GRHL1: variants seen among roughly 807,000 people sequenced by gnomAD.
The protein encoded by GRHL1 is grainyhead-like protein 1 homolog.
In GRHL1, 38 loss-of-function variants were observed where a neutral mutation model predicts 75.7. The observed-to-expected ratio is 0.50, with a 90% CI of 0.39 to 0.66. The LOEUF is 0.66. Ranked by LOEUF, GRHL1 falls within the 30% of genes least tolerant of loss-of-function variation. GRHL1 has a pLI of 0.00. For synonymous variants in GRHL1, 266 were observed against 279.4 expected (o/e 0.95, Z 0.48); for missense variants, 589 against 767.5 (o/e 0.77, Z 2.75).
At chr2:9,967,856 T>C (rs962113278) in intron 8 of GRHL1, among the ~76,000 whole-genome samples, 1 of 152,222 alleles carries the variant, frequency 6.6e-6, no homozygotes, top group Non-Finnish European at 1.5e-5. Context: ...TGTTCTCATT[T>C]AGGATGCATT....
intron 2 of GRHL1, among the ~76,000 whole-genome samples, chr2:9,957,486 T>C (rs1398688612): frequency 1.3e-5 from 2 of 152,084 alleles, no homozygotes; most frequent in African/African-American, 4.8e-5. Flanking sequence ...CTCAACTTAC[T>C]GCAGCCTCTG....
At chr2:9,997,446 C>A (rs940880188) in intron 14 of GRHL1, among the ~76,000 whole-genome samples, 3 of 152,122 alleles carry the variant, frequency 2.0e-5, no homozygotes, top group Non-Finnish European at 4.4e-5. Flanking sequence ...AGCGCCGTTC[C>A]CACTGTCACT....
intron 12 of GRHL1, among the ~76,000 whole-genome samples, chr2:9,994,897 C>T (rs1248121019): frequency 6.6e-6 from 1 of 152,174 alleles, no homozygotes; most frequent in Non-Finnish European, 1.5e-5. Flanking sequence ...CATGATACCA[C>T]CATATTTTAA....
chr2:9,965,319 A>C lies in GRHL1; in HGVS notation c.1048A>C (p.Asn350His). The C allele has an allele frequency of 6.2e-7, 1 of 1,611,142 alleles. No homozygotes were observed. The highest frequency in any genetic ancestry group is 1.1e-5 in the South Asian group (1 of 91,018). Residue 350 changes from asparagine to histidine, a missense_variant, in exon 8 of 16, where the codon AAC (asparagine) becomes CAC (histidine). Asn to His is a moderately conservative substitution (Grantham distance 68). Coordinates refer to ENST00000324907, the MANE Select transcript of GRHL1 (RefSeq NM_198182.3). ...DYKESFNTISNIEEIAYNAIS... is the reference protein window; with the variant it reads ...DYKESFNTISHIEEIAYNAIS... ...TAAAGAAAGCTTCAACACTATCAGT[A>C]ACATCGAGGAGATTGCGTATAACGC...
Position 9,979,410 on chromosome 2 carries a change from A to G in GRHL1, c.1111-6714A>G, listed in dbSNP as rs535520486. On this transcript the variant is annotated intron_variant, in intron 8 of 15. Coordinates refer to ENST00000324907, the MANE Select transcript of GRHL1 (RefSeq NM_198182.3). ...CCACCATGCCCAGCTAATTTATTTTATTTTCTGTTTTAGAGACAGGGTCTC... is the reference window on the plus strand; with the variant it reads ...CCACCATGCCCAGCTAATTTATTTTGTTTTCTGTTTTAGAGACAGGGTCTC... Among the ~76,000 whole-genome samples the G allele has an allele frequency of 2.6e-5, 4 of 151,208 alleles. No individual in the cohort carries two copies. In the East Asian group the frequency reaches 7.8e-4, roughly 29 times the overall value.
intron 1 of GRHL1, among the ~76,000 whole-genome samples, chr2:9,953,563 C>T (rs1330298087): frequency 6.6e-6 from 1 of 152,208 alleles, no homozygotes; most frequent in African/African-American, 2.4e-5. Flanking sequence ...CCAAATGTAA[C>T]GTTTATGCCA....
chr2:9,962,409 A>T (rs765796352), intron 4 of GRHL1, 46 bp from the exon 5 acceptor site: 1 of 1,072,630 alleles, frequency 9.3e-7, no homozygotes, highest in African/African-American at 1.6e-5. Context: ...TTTAGTAAGC[A>T]TGATAACCAG....
Position 9,986,366 on chromosome 2 carries a change from A to G in GRHL1, c.1269+84A>G, listed in dbSNP as rs573415348. ...AGGGTCTCTTTAATATTTAATGTCA[A>G]AATGAGAATATAGCTGCTAATATAG... On this transcript the variant is annotated intron_variant, in intron 9 of 15. Transcript: ENST00000324907. 1.7e-4 allele frequency: 135 copies of G among 794,616 alleles called. No homozygotes were observed. The highest frequency in any genetic ancestry group is 1.2e-3 in the Middle Eastern group (3 of 2,544). The allele number at this position is 794,616 out of a possible 1,614,324, so 49.2% of individuals were successfully genotyped here.
chr2:9,977,829 G>A (rs1668013055), intron 8 of GRHL1, among the ~76,000 whole-genome samples: 1 of 152,124 alleles, frequency 6.6e-6, no homozygotes, highest in Admixed American at 6.6e-5. Flanking sequence ...CTCATAGTCT[G>A]GTGTATTAGT....
At position 9,992,727 on chromosome 2, in the gene GRHL1, T is replaced by C. The variant is rs1471293083; in HGVS notation, c.1462-480T>C. Among the ~76,000 whole-genome samples, 1 of 152,178 alleles carries C rather than the reference T, an allele frequency of 6.6e-6. No individual in the cohort carries two copies. The highest frequency in any genetic ancestry group is 1.5e-5 in the Non-Finnish European group (1 of 68,026). ...GTGCAAATAAATATCAAAAAGACAGTCTTTCATGCACTTTGTGGACAGATT... is the reference window on the plus strand; with the variant it reads ...GTGCAAATAAATATCAAAAAGACAGCCTTTCATGCACTTTGTGGACAGATT... On this transcript the variant is annotated intron_variant, in intron 11 of 15. Coordinates refer to ENST00000324907, the MANE Select transcript of GRHL1 (RefSeq NM_198182.3). The surrounding 1 kb of genome is among the most constrained non-coding windows in gnomAD (Gnocchi z 4.6).
Position 9,979,151 on chromosome 2 carries a change from C to CAAAAAAAA in GRHL1, c.1111-6964_1111-6957dup, listed in dbSNP as rs1227015836. Among the ~76,000 whole-genome samples the CAAAAAAAA allele has an allele frequency of 4.3e-4, 26 of 60,350 alleles. 4 individuals are homozygous for CAAAAAAAA. The highest frequency in any genetic ancestry group is 1.7e-3 in the South Asian group (3 of 1,804). 39.6% of individuals were successfully genotyped at this position (60,350 alleles called of 152,430 possible). A position where few individuals can be genotyped will look rare whatever the true frequency, so the allele number is the denominator to read the frequency against. On this transcript the variant is annotated intron_variant, in intron 8 of 15. Transcript: ENST00000324907. The stretch of plus-strand genomic sequence containing the variant: ...TTCCAGCCTGGGCAAGACTCTCTCT[C>CAAAAAAAA]AAAAAAAAAAAAAAAAGGAAACCTT...
At chr2:9,971,732 C>T (rs558445961) in intron 8 of GRHL1, among the ~76,000 whole-genome samples, 25 of 152,232 alleles carry the variant, frequency 1.6e-4, no homozygotes, top group African/African-American at 5.8e-4. Flanking sequence ...GTAGCTTGAC[C>T]GGTATTGGAA....
Position 9,990,752 on chromosome 2 carries a change from G to A in GRHL1, c.1321+5G>A. 6.2e-7 allele frequency: 1 copy of A among 1,611,186 alleles called. No individual in the cohort carries two copies. Among genetic ancestry groups the A allele is most frequent in the Non-Finnish European group, 8.5e-7 (1 of 1,177,686 alleles). On this transcript the variant is annotated splice_donor_5th_base_variant and intron_variant, in intron 10 of 15. Coordinates refer to ENST00000324907, the MANE Select transcript of GRHL1 (RefSeq NM_198182.3). The surrounding 1 kb of genome is among the most constrained non-coding windows in gnomAD (Gnocchi z 4.2). ...GAAAGCAAAGCAAAAGAAAAGGCAA[G>A]TGTCCTGACCCCAGCTCCCAGGTGA...
intron 5 of GRHL1, 47 bp downstream of exon 5, chr2:9,962,578 CTT>C (rs745882478): frequency 9.8e-7 from 1 of 1,022,210 alleles, no homozygotes; most frequent in South Asian, 1.3e-5. Context: ...GCTTTTATAA[CTT>C]ATTCCTTTCT....
chr2:9,984,331 G>C (rs744033), intron 8 of GRHL1, among the ~76,000 whole-genome samples: 69,342 of 148,294 alleles, frequency 0.47, 15,959 homozygotes, highest in Admixed American at 0.54. Flanking sequence ...CGGGGTTGAA[G>C]GGTCTGAAAT....
At chr2:9,955,705 T>G (rs1295487443) in intron 2 of GRHL1, among the ~76,000 whole-genome samples, 1 of 152,238 alleles carries the variant, frequency 6.6e-6, no homozygotes, top group Non-Finnish European at 1.5e-5. Flanking sequence ...CTGCCACTAT[T>G]ATGCTAGACA....
rs973724437 is a variant in GRHL1, at chr2:10,000,763, G to C, written c.*56G>C. ...CAGTGCAGGTGTTTCTAGATCTTAC[G>C]GTTTGGCAACTGCAGGTAACCCCAG... On this transcript the variant is annotated 3_prime_UTR_variant, in exon 16 of 16. Transcript: ENST00000324907. 1 of 1,005,208 alleles carries C rather than the reference G, an allele frequency of 9.9e-7. No individual in the cohort carries two copies. The allele number at this position is 1,005,208 out of a possible 1,614,324, so 62.3% of individuals were successfully genotyped here.
intron 8 of GRHL1, among the ~76,000 whole-genome samples, chr2:9,982,161 A>G (rs1430418416): frequency 6.6e-6 from 1 of 152,220 alleles, no homozygotes; most frequent in Admixed American, 6.5e-5. Context: ...GCCTCTGTAA[A>G]AATTTTGTTT....
intron 1 of GRHL1, among the ~76,000 whole-genome samples, chr2:9,952,135 C>T (rs1038275491): frequency 6.6e-6 from 1 of 151,898 alleles, no homozygotes; most frequent in Admixed American, 6.6e-5. Flanking sequence ...TGGGTCCCCT[C>T]GGGCGCGCAC....
Sources: allele counts gnomAD v4.1 joint callset (sites outside exome capture counted in the v4.1 genomes callset), GRCh38; gene constraint gnomAD v4.1.1; non-coding constraint Gnocchi (gnomAD v3.1); transcripts MANE v1.5; gene names NCBI Gene and HGNC (gene_info 2026-07-23, HGNC 2026-07-21).